MAP9: variants seen among roughly 807,000 people sequenced by gnomAD.
The protein encoded by MAP9 is microtubule associated protein 9, also known as microtubule-associated protein 9.
A neutral mutation model predicts 75.2 loss-of-function variants in MAP9; 80 were observed. That is an observed-to-expected ratio of 1.06 (90% CI 0.89 to 1.28). The LOEUF (loss-of-function observed/expected upper bound fraction) is 1.28, where lower values mean the gene tolerates loss of function less well. MAP9 is among the 50% of genes most tolerant of loss of function. The probability of loss-of-function intolerance (pLI) is 0.00; values close to 1 mark genes in which losing one functional copy is unlikely to be tolerated. For missense variants in MAP9, 753 were observed against 719.9 expected, an observed-to-expected ratio of 1.05 and a Z score of -0.53; for synonymous variants, 235 against 237.3, an observed-to-expected ratio of 0.99 and a Z score of 0.09.
chr4:155,368,823 A>T lies in MAP9; in HGVS notation c.482-11T>A, dbSNP rs571485218. 1.7e-3 allele frequency: 2,717 copies of T among 1,594,454 alleles called. 62 individuals carry two copies. In the South Asian group the frequency reaches 0.029, roughly 17 times the overall value. On this transcript the variant is annotated splice_polypyrimidine_tract_variant and intron_variant, in intron 4 of 13. Coordinates refer to ENST00000311277, the MANE Select transcript of MAP9 (RefSeq NM_001039580.2). The stretch of plus-strand genomic sequence containing the variant: ...GGCTGTTGTTTTCTGCTGAAAAATA[A>T]AATGCTTAAAGTGTGTGTATAAAAA...
In MAP9 at chr4:155,352,761, A is replaced by C. The variant is rs746830204; in HGVS notation, c.1689-33T>G. The C allele has an allele frequency of 2.6e-6, 4 of 1,513,394 alleles. No homozygotes were observed. The African/African-American group carries it at 4.2e-5, about 16-fold the overall frequency. 93.7% of individuals were successfully genotyped at this position (1,513,394 alleles called of 1,614,324 possible). A position where few individuals can be genotyped will look rare whatever the true frequency, so the allele number is the denominator to read the frequency against. On this transcript the variant is annotated intron_variant, in intron 12 of 13. Coordinates refer to ENST00000311277, the MANE Select transcript of MAP9 (RefSeq NM_001039580.2). ...GCATAGTATAAAACACTGGAGAGTT[A>C]AAGGAAAATACATAATAAAGATTCC...
chr4:155,355,442 A>ATT (rs1213841169), intron 9 of MAP9, among the ~76,000 whole-genome samples: 3 of 152,200 alleles, frequency 2.0e-5, no homozygotes, highest in African/African-American at 7.2e-5. Flanking sequence ...AAATGAAAAC[A>ATT]TATATAGACT....
chr4:155,372,524 C>T (rs144539219), intron 4 of MAP9, among the ~76,000 whole-genome samples: 211 of 152,294 alleles, frequency 1.4e-3, no homozygotes, highest in African/African-American at 4.7e-3. Context: ...TCCCAGATCA[C>T]ACCAGGAACT....
intron 10 of MAP9, among the ~76,000 whole-genome samples, chr4:155,354,596 TG>T (rs1731680511): frequency 1.3e-5 from 2 of 151,506 alleles, no homozygotes; most frequent in Admixed American, 1.3e-4. Context: ...CCTGAGTAGC[TG>T]GGATTACAGG....
At chr4:155,355,250 T>C (rs1263206197) in intron 9 of MAP9, 90 bp from the exon 10 acceptor site, 2 of 456,114 alleles carry the variant, frequency 4.4e-6, no homozygotes, top group East Asian at 8.3e-5. Context: ...GAAATTCACA[T>C]GTACAATTTT....
In MAP9 at chr4:155,343,780, T is replaced by C. The variant is rs934376965; in HGVS notation, c.*4003A>G. The C allele has an allele frequency of 2.0e-5, 3 of 151,864 alleles. No individual in the cohort carries two copies. The highest frequency in any genetic ancestry group is 7.2e-5 in the African/African-American group (3 of 41,428). The allele number at this position is 151,864 out of a possible 1,614,324, so 9.4% of individuals were successfully genotyped here. A position where few individuals can be genotyped will look rare whatever the true frequency, so the allele number is the denominator to read the frequency against. The stretch of plus-strand genomic sequence containing the variant: ...CATCCTAAATTTAATACCAAGAATT[T>C]TGCCTACCCGAGTTAACATTATACA... On this transcript the variant is annotated 3_prime_UTR_variant, in exon 14 of 14. Coordinates refer to ENST00000311277, the MANE Select transcript of MAP9 (RefSeq NM_001039580.2).
In MAP9 at chr4:155,343,099, T is replaced by C. The variant is rs1355594166; in HGVS notation, c.*4684A>G. On this transcript the variant is annotated 3_prime_UTR_variant, in exon 14 of 14. Coordinates refer to ENST00000311277, the MANE Select transcript of MAP9 (RefSeq NM_001039580.2). ...GATATATCACTGAGTGAAAAAAATC[T>C]GGCTACCAAATATGTAGTCTGACTC... 1.3e-5 allele frequency: 2 copies of C among 151,948 alleles called. No homozygotes were observed. The highest frequency in any genetic ancestry group is 2.9e-5 in the Non-Finnish European group (2 of 67,884). The allele number at this position is 151,948 out of a possible 1,614,324, so 9.4% of individuals were successfully genotyped here. A position where few individuals can be genotyped will look rare whatever the true frequency, so the allele number is the denominator to read the frequency against.
In MAP9 at chr4:155,363,656, C is replaced by A. The variant is rs904914693; in HGVS notation, c.709-1515G>T. On this transcript the variant is annotated intron_variant, in intron 5 of 13. Transcript: ENST00000311277. ...AAAATTCACCTGGAAAACACACATA[C>A]TTTGCAACTGCAAATGGAACTCTCA... Among the ~76,000 whole-genome samples, 6 of 152,078 alleles carry A rather than the reference C, an allele frequency of 3.9e-5. No homozygotes were observed. In the East Asian group the frequency reaches 1.2e-3, roughly 29 times the overall value.
chr4:155,354,953 T>C lies in MAP9; in HGVS notation c.1380+118A>G, dbSNP rs1578837683. 1.0e-5 allele frequency: 5 copies of C among 486,100 alleles called. No individual in the cohort carries two copies. The East Asian group carries it at 2.1e-4, about 20-fold the overall frequency. The allele number at this position is 486,100 out of a possible 1,614,324, so 30.1% of individuals were successfully genotyped here. A position where few individuals can be genotyped will look rare whatever the true frequency, so the allele number is the denominator to read the frequency against. On this transcript the variant is annotated intron_variant, in intron 10 of 13. Transcript: ENST00000311277. ...AAACAGAAGTAAAACCGGAAATCAT[T>C]TCTTTAATATACAAGTTATTTTGCC...
At chr4:155,369,859 G>A (rs1443054858) in intron 4 of MAP9, among the ~76,000 whole-genome samples, 1 of 152,122 alleles carries the variant, frequency 6.6e-6, no homozygotes, top group Non-Finnish European at 1.5e-5. Context: ...TTTGCATCCA[G>A]TATTCGAAAC....
At chr4:155,364,963 AAAC>A (rs1732259797) in intron 5 of MAP9, among the ~76,000 whole-genome samples, 2 of 151,910 alleles carry the variant, frequency 1.3e-5, no homozygotes, top group African/African-American at 2.4e-5. Flanking sequence ...AGTAACAGAG[AAAC>A]AACAATAAAA....
rs759440186 is a variant in MAP9 at position 155,352,570 on chromosome 4, A to G, written c.1821+26T>C. The G allele has an allele frequency of 3.2e-6, 5 of 1,568,118 alleles. No homozygotes were observed. The African/African-American group carries it at 4.1e-5, about 13-fold the overall frequency. ...ACACAAAAGGTACATGAAAAAGACG[A>G]AAGTGCATTGACAAATAATACCTAC... On this transcript the variant is annotated intron_variant, in intron 13 of 13. Coordinates refer to ENST00000311277, the MANE Select transcript of MAP9 (RefSeq NM_001039580.2).
rs200584811 is a variant in MAP9, at chr4:155,347,797, C to T, written c.1930G>A (p.Ala644Thr). The change falls in exon 14 of 14, where the codon GCA becomes ACA. Residue 644 changes from alanine to threonine, a missense_variant. Transcript: ENST00000311277. Reference sequence around the variant, plus strand: ...AACTAGAATTATCAAAACACTTTTGCGAACACAGTTCTGCTTGGAGGGCTC... The same window carrying T: ...AACTAGAATTATCAAAACACTTTTGTGAACACAGTTCTGCTTGGAGGGCTC... Reference protein sequence around the residue: ...PWSPPSRTVFAKVF With the variant: ...PWSPPSRTVFTKVF 24 of 1,600,216 alleles carry T rather than the reference C, an allele frequency of 1.5e-5. No individual in the cohort carries two copies. Among genetic ancestry groups the T allele is most frequent in the Middle Eastern group, 1.7e-4 (1 of 6,006 alleles).
Position 155,362,127 on chromosome 4 carries a change from T to C in MAP9, c.723A>G (p.Thr241=), listed in dbSNP as rs1732110340. The change falls in exon 6 of 14, where the codon ACA becomes ACG. Residue 241 remains threonine (T), a synonymous_variant. Transcript: ENST00000311277. ...GTTTAAGTGATGATGATGCTAGACT[T>C]GTTAAGCATGAATCCTGTTTTCGCA... The part of the protein sequence containing the change: ...ENLDPEDSCL[T]SLASSSLKQI... 1.3e-6 allele frequency: 2 copies of C among 1,575,846 alleles called. No homozygotes were observed. Among genetic ancestry groups the C allele is most frequent in the East Asian group, 2.3e-5 (1 of 44,370 alleles).
At position 155,357,527 on chromosome 4, in the gene MAP9, A is replaced by G. The variant is rs1426181725; in HGVS notation, c.1051-8T>C. On this transcript the variant is annotated splice_region_variant and splice_polypyrimidine_tract_variant and intron_variant, in intron 7 of 13. Coordinates refer to ENST00000311277, the MANE Select transcript of MAP9 (RefSeq NM_001039580.2). ...TCTATCTTCAATTGTTTTCTATTAA[A>G]CAGAAAATGCCAAAGATGATTTATT... 3.4e-6 allele frequency: 5 copies of G among 1,451,778 alleles called. No homozygotes were observed. The highest frequency in any genetic ancestry group is 4.8e-6 in the Non-Finnish European group (5 of 1,037,048). 89.9% of individuals were successfully genotyped at this position (1,451,778 alleles called of 1,614,324 possible).
Position 155,346,398 on chromosome 4 carries a change from G to A in MAP9, c.*1385C>T, listed in dbSNP as rs890399226. The A allele has an allele frequency of 2.0e-5, 3 of 152,108 alleles. No homozygotes were observed. The highest frequency in any genetic ancestry group is 3.9e-4 in the East Asian group (2 of 5,174). 9.4% of individuals were successfully genotyped at this position (152,108 alleles called of 1,614,324 possible). A position where few individuals can be genotyped will look rare whatever the true frequency, so the allele number is the denominator to read the frequency against. On this transcript the variant is annotated 3_prime_UTR_variant, in exon 14 of 14. Transcript: ENST00000311277. ...GATTTTAGGCTCTAAAAGTTAAAAC[G>A]TGTTTGTAACGTTGATATTATGCAG... is the stretch of plus-strand genomic sequence containing the variant.
chr4:155,362,202 C>A, intron 5 of MAP9, 61 bp from the exon 6 acceptor site: 1 of 978,420 alleles, frequency 1.0e-6, no homozygotes, highest in South Asian at 1.6e-5. Flanking sequence ...TTTATGGGAA[C>A]AATAGCATTA....
intron 4 of MAP9, among the ~76,000 whole-genome samples, chr4:155,371,821 T>G (rs10440447): frequency 0.35 from 53,730 of 151,642 alleles, 13,430 homozygotes; most frequent in African/African-American, 0.72. Context: ...AAATTTTTAG[T>G]TGCTATATAT....
intron 13 of MAP9, among the ~76,000 whole-genome samples, chr4:155,351,928 A>G (rs910737937): frequency 6.6e-6 from 1 of 152,056 alleles, no homozygotes. Context: ...TAAAGTATTT[A>G]TTCATAGTAA....
Sources: allele counts gnomAD v4.1 joint callset (sites outside exome capture counted in the v4.1 genomes callset), GRCh38; gene constraint gnomAD v4.1.1; transcripts MANE v1.5; gene names NCBI Gene and HGNC (gene_info 2026-07-23, HGNC 2026-07-21).